Variants in PARVB observed in about 807,000 individuals in gnomAD.
PARVB encodes the protein beta-parvin.
A neutral mutation model predicts 47.0 loss-of-function variants in PARVB; 46 were observed. The observed-to-expected ratio is 0.98, with a 90% CI of 0.77 to 1.25. The LOEUF is 1.25. Among genes scored for constraint, PARVB ranks in the 50% most tolerant of loss-of-function variants. The probability of loss-of-function intolerance (pLI) is 0.00; values close to 1 mark genes in which losing one functional copy is unlikely to be tolerated. For synonymous variants in PARVB, 196 were observed against 196.3 expected, an observed-to-expected ratio of 1.00 and a Z score of 0.01; for missense variants, 473 against 471.6, an observed-to-expected ratio of 1.00 and a Z score of -0.03.
At chr22:44,163,410 G>A (rs1471866372) in intron 11 of PARVB, among the ~76,000 whole-genome samples, 1 of 152,210 alleles carries the variant, frequency 6.6e-6, no homozygotes, top group Non-Finnish European at 1.5e-5. Flanking sequence ...CCTGGGAGGT[G>A]GAGGTTGCAG....
chr22:44,051,334 G>A (rs777647646), intron 1 of PARVB, among the ~76,000 whole-genome samples: 1 of 152,194 alleles, frequency 6.6e-6, no homozygotes, highest in African/African-American at 2.4e-5. Flanking sequence ...TGGGGGGATT[G>A]ATGATGAGGT....
intron 1 of PARVB, among the ~76,000 whole-genome samples, chr22:44,035,698 C>T (rs1008116603): frequency 1.3e-5 from 2 of 152,036 alleles, no homozygotes; most frequent in African/African-American, 4.8e-5. Context: ...GCACTTACAG[C>T]AACACAAGTG....
At chr22:44,166,611 G>A (rs1282081486) in intron 12 of PARVB, among the ~76,000 whole-genome samples, 2 of 152,248 alleles carry the variant, frequency 1.3e-5, no homozygotes, top group Non-Finnish European at 2.9e-5. Context: ...AGGGCAAATA[G>A]CAAGTTCTGC....
At chr22:44,082,001 C>T (rs1247775252) in intron 1 of PARVB, among the ~76,000 whole-genome samples, 3 of 152,102 alleles carry the variant, frequency 2.0e-5, no homozygotes, top group East Asian at 1.9e-4. Context: ...AGGCTTGCGT[C>T]GAAGGACTTG....
In PARVB at chr22:44,093,960, A is replaced by G; in HGVS notation, c.145A>G (p.Ile49Val). Residue 49 changes from isoleucine to valine, a missense_variant, in exon 2 of 13, where the codon ATC (isoleucine) becomes GTC (valine). Transcript: ENST00000338758. ...CCTGCAGGAAGAAGGCAAGAATGCC[A>G]TCAACTCACCGATGTCCCCCGCCCT... is the stretch of plus-strand genomic sequence containing the variant. ...SDLQEEGKNA[I>V]NSPMSPALVD... The G allele has an allele frequency of 6.2e-7, 1 of 1,613,812 alleles. No individual in the cohort carries two copies. Among genetic ancestry groups the G allele is most frequent in the African/African-American group, 1.3e-5 (1 of 75,058 alleles).
intron 1 of PARVB, among the ~76,000 whole-genome samples, chr22:44,079,088 T>G (rs1011962649): frequency 6.6e-6 from 1 of 152,216 alleles, no homozygotes; most frequent in African/African-American, 2.4e-5. Flanking sequence ...AAACCCTGAT[T>G]CAGTCGTTCA....
At chr22:44,023,537 C>CAAAACAAAACTAAACT (rs1416034853), upstream of PARVB, among the ~76,000 whole-genome samples, 8 of 127,300 alleles carry the variant, frequency 6.3e-5, no homozygotes, top group African/African-American at 2.4e-4. Context: ...TAAAACAAAA[C>CAAAACAAAACTAAACT]AAAATAAAAT....
intron 1 of PARVB, among the ~76,000 whole-genome samples, chr22:44,055,936 C>T (rs1289293524): frequency 6.6e-6 from 1 of 152,172 alleles, no homozygotes; most frequent in Non-Finnish European, 1.5e-5. Flanking sequence ...GATTCGAATG[C>T]TAACCTCATC....
intron 3 of PARVB, among the ~76,000 whole-genome samples, chr22:44,101,418 A>AAT (rs1555903745): frequency 0.027 from 3,588 of 133,158 alleles, 154 homozygotes; most frequent in African/African-American, 0.13. Flanking sequence ...AAAAAAAAAT[A>AAT]AAAAATAAAA....
rs147872111 is a variant in PARVB at position 44,011,925 on chromosome 22, T to G, written c.211+12252T>G. 1.1e-3 allele frequency among the ~76,000 whole-genome samples: 174 copies of G among 152,332 alleles called. 1 individual carries two copies. The highest frequency in any genetic ancestry group is 4.0e-3 in the African/African-American group (167 of 41,572). ...AGGAGAAAATAAAAACCTTTCATTTTGCAAGCAGGTGATACCTGGATGGCA... is the reference window on the plus strand; with the variant it reads ...AGGAGAAAATAAAAACCTTTCATTTGGCAAGCAGGTGATACCTGGATGGCA... On this transcript the variant is annotated intron_variant, in intron 2 of 13. Coordinates refer to the PARVB transcript ENST00000406477.
At chr22:44,112,862 C>A (rs1428412071) in intron 3 of PARVB, 2 of 110,306 alleles carry the variant, frequency 1.8e-5, no homozygotes, top group Non-Finnish European at 3.5e-5. Context: ...TAAGGCCCTG[C>A]ACCAACACAG....
At chr22:44,127,670 G>C (rs133914) in intron 4 of PARVB, among the ~76,000 whole-genome samples, 66,218 of 151,878 alleles carry the variant, frequency 0.44, 15,038 homozygotes, top group African/African-American at 0.5. Flanking sequence ...TTGCATTCAG[G>C]AAGGGTAAAG....
chr22:44,099,945 G>C (rs1601599701), intron 2 of PARVB, 108 bp from the exon 3 acceptor site: 2 of 883,716 alleles, frequency 2.3e-6, no homozygotes, highest in East Asian at 4.9e-5. Context: ...CCCTAGTGCT[G>C]GGTTCTCTGC....
At chr22:44,013,749 C>G (rs572286045) in intron 2 of PARVB, among the ~76,000 whole-genome samples, 1 of 152,280 alleles carries the variant, frequency 6.6e-6, no homozygotes, top group African/African-American at 2.4e-5. Context: ...TCTCCTGCCT[C>G]AGCCTCCTGA....
chr22:44,171,134 C>G lies in PARVB; in HGVS notation c.*2456C>G, dbSNP rs1416912759. On this transcript the variant is annotated 3_prime_UTR_variant, in exon 13 of 13. Coordinates refer to ENST00000338758, the MANE Select transcript of PARVB (RefSeq NM_013327.5). ...GCCCCCTGGAGCTGGTGGAGTGGCCCAGCCTTGCCCTGCTCACAGGTGGAC... is the reference window on the plus strand; with the variant it reads ...GCCCCCTGGAGCTGGTGGAGTGGCCGAGCCTTGCCCTGCTCACAGGTGGAC... 6.6e-6 allele frequency: 1 copy of G among 152,324 alleles called. No homozygotes were observed. The allele number at this position is 152,324 out of a possible 1,614,324, so 9.4% of individuals were successfully genotyped here. A position where few individuals can be genotyped will look rare whatever the true frequency, so the allele number is the denominator to read the frequency against.
At chr22:44,119,564 G>A (rs555354057) in intron 4 of PARVB, among the ~76,000 whole-genome samples, 3 of 152,290 alleles carry the variant, frequency 2.0e-5, no homozygotes, top group African/African-American at 7.2e-5. Context: ...CACCAGGGGC[G>A]GGCTCTAGTG....
At chr22:44,156,784 G>T (rs1434318172) in intron 10 of PARVB, among the ~76,000 whole-genome samples, 1 of 152,106 alleles carries the variant, frequency 6.6e-6, no homozygotes, top group East Asian at 1.9e-4. Context: ...AAAGATAAAT[G>T]GATATGCGAT....
intron 4 of PARVB, among the ~76,000 whole-genome samples, chr22:44,124,856 C>T (rs1315585964): frequency 6.6e-6 from 1 of 152,090 alleles, no homozygotes; most frequent in African/African-American, 2.4e-5. Flanking sequence ...GGGGGGACTG[C>T]CACAAGGATG....
At chr22:44,114,867 T>C (rs1293264559) in intron 3 of PARVB, 1 of 135,582 alleles carries the variant, frequency 7.4e-6, no homozygotes, top group African/African-American at 3.0e-5. Flanking sequence ...TGTTACTAGC[T>C]AAGGCCCTGC....
Sources: allele counts gnomAD v4.1 joint callset (sites outside exome capture counted in the v4.1 genomes callset), GRCh38; gene constraint gnomAD v4.1.1; transcripts MANE v1.5; gene names NCBI Gene and HGNC (gene_info 2026-07-23, HGNC 2026-07-21).